Variants in RABGAP1L observed in about 807,000 individuals in gnomAD.
RABGAP1L encodes the protein RAB GTPase activating protein 1 like, also known as rab GTPase-activating protein 1-like.
In RABGAP1L, 63 loss-of-function variants were observed where a neutral mutation model predicts 137.7. The ratio of observed to expected loss-of-function variants is 0.46; its 90% CI spans 0.37 to 0.56. The LOEUF (loss-of-function observed/expected upper bound fraction) is 0.56, where lower values mean the gene tolerates loss of function less well. Among genes scored for constraint, RABGAP1L ranks in the 20% least tolerant of loss-of-function variants. The pLI, the probability that RABGAP1L is intolerant of heterozygous loss-of-function variation, is 0.00. For missense variants in RABGAP1L, 1,095 were observed against 1,244.0 expected (o/e 0.88, Z 1.80); for synonymous variants, 431 against 433.7 (o/e 0.99, Z 0.08).
chr1:174,216,746 T>C (rs922546779), intron 1 of RABGAP1L, among the ~76,000 whole-genome samples: 1 of 152,132 alleles, frequency 6.6e-6, no homozygotes, highest in African/African-American at 2.4e-5. Flanking sequence ...TTTTTCTTGG[T>C]TTTTGCTTGT....
chr1:174,416,039 C>CATAT (rs1417625903), intron 13 of RABGAP1L, among the ~76,000 whole-genome samples: 3 of 76,556 alleles, frequency 3.9e-5, no homozygotes, highest in African/African-American at 1.1e-4. Flanking sequence ...TATATATACA[C>CATAT]ACACATTTTT....
intron 17 of RABGAP1L, among the ~76,000 whole-genome samples, chr1:174,702,503 A>G (rs1306887982): frequency 6.6e-6 from 1 of 152,208 alleles, no homozygotes; most frequent in Non-Finnish European, 1.5e-5. Flanking sequence ...GCATAATTAA[A>G]TTCATAATAA....
intron 8 of RABGAP1L, 50 bp from the exon 9 acceptor site, chr1:174,275,783 G>C (rs1674949272): frequency 7.4e-7 from 1 of 1,352,930 alleles, no homozygotes; most frequent in East Asian, 2.4e-5. Context: ...ATTTAAAGTA[G>C]TGATTTTTTT....
intron 17 of RABGAP1L, among the ~76,000 whole-genome samples, chr1:174,722,859 A>T (rs1681683019): frequency 6.6e-6 from 1 of 152,068 alleles, no homozygotes; most frequent in Admixed American, 6.6e-5. Context: ...CAAAATATAG[A>T]ACTTCAGGTA....
intron 3 of RABGAP1L, among the ~76,000 whole-genome samples, 162 bp from the exon 4 acceptor site, chr1:174,230,983 C>G (rs1057203041): frequency 6.6e-6 from 1 of 151,842 alleles, no homozygotes; most frequent in Non-Finnish European, 1.5e-5. Context: ...TCCTAGAATC[C>G]TAGATTTTAA....
intron 13 of RABGAP1L, among the ~76,000 whole-genome samples, chr1:174,631,990 G>A (rs1298402401): frequency 4.1e-5 from 4 of 97,678 alleles, no homozygotes; most frequent in South Asian, 4.5e-4. Context: ...TCCTAGTCTC[G>A]ATGGTCTTTA....
chr1:174,561,051 C>T (rs1290441711), intron 13 of RABGAP1L, among the ~76,000 whole-genome samples: 3 of 152,154 alleles, frequency 2.0e-5, no homozygotes, highest in African/African-American at 4.8e-5. Flanking sequence ...CAAATCTGGC[C>T]TGCCTTGTGT....
chr1:174,408,522 A>T (rs1011017035), intron 13 of RABGAP1L, among the ~76,000 whole-genome samples: 5 of 101,954 alleles, frequency 4.9e-5, no homozygotes, highest in Non-Finnish European at 8.9e-5. Context: ...TGCTGCAGTG[A>T]ACATGCAAAC....
intron 13 of RABGAP1L, among the ~76,000 whole-genome samples, chr1:174,610,031 C>T (rs1274871693): frequency 1.6e-4 from 22 of 139,562 alleles, no homozygotes; most frequent in Non-Finnish European, 3.0e-4. Context: ...TTTTGGTATG[C>T]GTTTTTTTTT....
At chr1:174,941,154 T>C (rs1287854718) in intron 19 of RABGAP1L, among the ~76,000 whole-genome samples, 1 of 152,230 alleles carries the variant, frequency 6.6e-6, no homozygotes, top group Non-Finnish European at 1.5e-5. Flanking sequence ...CATCTGGAAC[T>C]TCTTGTCCCT....
rs532619205 is a variant in RABGAP1L at position 174,761,101 on chromosome 1, C to T, written c.2211+8747C>T. Among the ~76,000 whole-genome samples the T allele has an allele frequency of 7.2e-5, 11 of 152,278 alleles. No homozygotes were observed. In the South Asian group the frequency reaches 1.2e-3, roughly 17 times the overall value. ...AAAGAGGTTTAATGGACTTACAGTT[C>T]CACGTGGCTGGGCCAGGCCTCACAA... On this transcript the variant is annotated intron_variant, in intron 18 of 25. Transcript: ENST00000681986. The surrounding 1 kb of genome is among the most constrained non-coding windows in gnomAD (Gnocchi z 4.0).
At chr1:174,177,735 G>A (rs927813031) in intron 1 of RABGAP1L, among the ~76,000 whole-genome samples, 2 of 152,190 alleles carry the variant, frequency 1.3e-5, no homozygotes, top group Admixed American at 6.5e-5. Flanking sequence ...TATTAAGTAG[G>A]GAATTCTTTC....
intron 14 of RABGAP1L, among the ~76,000 whole-genome samples, chr1:174,675,775 T>C (rs1304491425): frequency 6.6e-6 from 1 of 152,184 alleles, no homozygotes; most frequent in Non-Finnish European, 1.5e-5. Flanking sequence ...AACCCAAACA[T>C]AGTGGTACTT....
intron 12 of RABGAP1L, among the ~76,000 whole-genome samples, chr1:174,376,160 GA>G (rs1192674472): frequency 3.5e-5 from 5 of 142,914 alleles, no homozygotes; most frequent in Non-Finnish European, 6.0e-5. Flanking sequence ...AGGAGAGAGA[GA>G]AAGAAAAAGA....
chr1:174,626,249 T>C (rs1279923643), intron 13 of RABGAP1L, among the ~76,000 whole-genome samples: 1 of 152,204 alleles, frequency 6.6e-6, no homozygotes, highest in Admixed American at 6.5e-5. Flanking sequence ...TCTGGAACTC[T>C]GACCTAGATT....
chr1:174,763,467 G>A (rs1685399201), intron 18 of RABGAP1L, among the ~76,000 whole-genome samples: 1 of 150,946 alleles, frequency 6.6e-6, no homozygotes, highest in Non-Finnish European at 1.5e-5. Context: ...TGGCTAACAC[G>A]GTGAAACCCC....
intron 13 of RABGAP1L, among the ~76,000 whole-genome samples, chr1:174,443,339 T>A (rs1209779027): frequency 6.6e-6 from 1 of 152,062 alleles, no homozygotes; most frequent in African/African-American, 2.4e-5. Flanking sequence ...ATTCCCCCAA[T>A]AGTGTATGAG....
At chr1:174,411,946 T>C (rs939419595) in intron 13 of RABGAP1L, among the ~76,000 whole-genome samples, 1 of 152,076 alleles carries the variant, frequency 6.6e-6, no homozygotes, top group Non-Finnish European at 1.5e-5. Flanking sequence ...GAGAAAGATA[T>C]ATATTCTGTG....
At chr1:174,447,861 A>C (rs1654941610) in intron 13 of RABGAP1L, among the ~76,000 whole-genome samples, 1 of 150,530 alleles carries the variant, frequency 6.6e-6, no homozygotes, top group Non-Finnish European at 1.5e-5. Flanking sequence ...CCTCCTTTCT[A>C]GCTTATCCCC....
Sources: gnomAD v4.1 joint callset for allele counts (sites outside exome capture counted in the v4.1 genomes callset) on GRCh38, gnomAD v4.1.1 for gene constraint, Gnocchi (gnomAD v3.1) non-coding constraint, MANE v1.5 for transcripts, NCBI Gene and HGNC (gene_info 2026-07-23, HGNC 2026-07-21) for gene names.